Variants in PCDHA1 observed in about 807,000 individuals in gnomAD.
PCDHA1 encodes the protein protocadherin alpha 1.
PCDHA1 carries 42 observed loss-of-function variants against 61.3 expected under a neutral mutation model. The ratio of observed to expected loss-of-function variants is 0.69; its 90% confidence interval spans 0.54 to 0.89. The LOEUF is 0.89. Among genes scored for constraint, PCDHA1 ranks in the 40% least tolerant of loss-of-function variants. PCDHA1 has a pLI of 0.00. For missense variants in PCDHA1, 1,256 were observed against 1,235.3 expected (o/e 1.02, Z -0.25); for synonymous variants, 610 against 553.8 (o/e 1.10, Z -1.43).
At chr5:140,881,650 T>C (rs508730) in intron 1 of PCDHA1, among the ~76,000 whole-genome samples, 2,267 of 152,332 alleles carry the variant, frequency 0.015, 53 homozygotes, top group African/African-American at 0.052. Flanking sequence ...ATTTTTCACC[T>C]TCACCGATTT....
At chr5:140,984,987 G>C (rs1034950978) in intron 3 of PCDHA1, among the ~76,000 whole-genome samples, 7 of 152,028 alleles carry the variant, frequency 4.6e-5, no homozygotes, top group Admixed American at 2.0e-4. Flanking sequence ...CCCCAGGCTG[G>C]AGTCCAGTGG....
intron 1 of PCDHA1, chr5:140,967,771 G>A (rs1554229926): frequency 1.2e-6 from 2 of 1,614,222 alleles, no homozygotes; most frequent in Non-Finnish European, 1.7e-6. Context: ...AGATCTATGT[G>A]CAGGCGACTG....
rs781989346 is a variant in PCDHA1 at position 140,869,537 on chromosome 5, C to CT, written c.2394+80854dup. 1.6e-5 allele frequency: 26 copies of CT among 1,614,202 alleles called. 1 individual carries two copies. The highest frequency in any genetic ancestry group is 1.9e-5 in the Non-Finnish European group (23 of 1,180,050). ...GAACAAAAGCTGCTGATTGCGGAAT[C>CT]TAAGCAATCGGACTCGCGTTTTCCA... On this transcript the variant is annotated intron_variant, in intron 1 of 3. Coordinates refer to ENST00000504120, the MANE Select transcript of PCDHA1 (RefSeq NM_018900.4).
chr5:140,927,402 C>G, intron 1 of PCDHA1: 1 of 1,614,128 alleles, frequency 6.2e-7, no homozygotes, highest in Non-Finnish European at 8.5e-7. Context: ...AGCACTTTCG[C>G]CTGGACATGG....
At chr5:140,902,103 A>AT (rs1435105079) in intron 1 of PCDHA1, among the ~76,000 whole-genome samples, 1 of 151,172 alleles carries the variant, frequency 6.6e-6, no homozygotes, top group Non-Finnish European at 1.5e-5. Context: ...GAGTCTTTAG[A>AT]TTTTTTTAAA....
chr5:140,908,998 C>G (rs2074255436), intron 1 of PCDHA1, among the ~76,000 whole-genome samples: 1 of 152,156 alleles, frequency 6.6e-6, no homozygotes, highest in South Asian at 2.1e-4. Flanking sequence ...AGAAATTTTA[C>G]TGAGGTAGAA....
At chr5:140,857,467 C>T in intron 1 of PCDHA1, 3 of 1,598,642 alleles carry the variant, frequency 1.9e-6, no homozygotes, top group Non-Finnish European at 2.6e-6. Flanking sequence ...GCTGCCACAT[C>T]TTCACGGTGT....
chr5:140,841,443 A>C (rs2150315650), intron 1 of PCDHA1: 1 of 1,612,892 alleles, frequency 6.2e-7, no homozygotes, highest in Admixed American at 1.7e-5. Context: ...GAGGCCAAAC[A>C]CGGCACCTTC....
chr5:140,888,003 A>G (rs1187660261), intron 1 of PCDHA1, among the ~76,000 whole-genome samples: 1 of 152,112 alleles, frequency 6.6e-6, no homozygotes, highest in African/African-American at 2.4e-5. Context: ...CCGAATAGTC[A>G]TCTTTTTATC....
At chr5:140,823,193 T>A (rs2150123303) in intron 1 of PCDHA1, 20 of 1,613,836 alleles carry the variant, frequency 1.2e-5, no homozygotes, top group Non-Finnish European at 1.7e-5. Flanking sequence ...GGCTGCCACA[T>A]CTTCACGGTG....
At chr5:140,880,944 G>A (rs1256173059) in intron 1 of PCDHA1, among the ~76,000 whole-genome samples, 2 of 152,198 alleles carry the variant, frequency 1.3e-5, no homozygotes, top group African/African-American at 4.8e-5. Context: ...AATGGAGCAG[G>A]AGAGGATGAT....
At chr5:140,927,616 G>C in intron 1 of PCDHA1, 1 of 1,614,164 alleles carries the variant, frequency 6.2e-7, no homozygotes, top group Non-Finnish European at 8.5e-7. Flanking sequence ...CCGCACCAAG[G>C]TTCCAGAGAC....
At chr5:140,993,468 A>G (rs1327306188) in intron 3 of PCDHA1, among the ~76,000 whole-genome samples, 1 of 69,412 alleles carries the variant, frequency 1.4e-5, no homozygotes, top group African/African-American at 5.6e-5. Context: ...TTTCTCACAC[A>G]CACACACACA....
At chr5:140,902,914 G>A (rs560076660) in intron 1 of PCDHA1, among the ~76,000 whole-genome samples, 14 of 152,306 alleles carry the variant, frequency 9.2e-5, no homozygotes, top group African/African-American at 2.9e-4. Context: ...TGGCTGAGTA[G>A]TATTGCATGG....
chr5:140,853,203 G>A lies in PCDHA1; in HGVS notation c.2394+64519G>A. The A allele has an allele frequency of 3.1e-6, 3 of 982,590 alleles. 1 individual carries two copies. 60.9% of individuals were successfully genotyped at this position (982,590 alleles called of 1,614,324 possible). A position where few individuals can be genotyped will look rare whatever the true frequency, so the allele number is the denominator to read the frequency against. The stretch of plus-strand genomic sequence containing the variant: ...CTAAAATGTGTTCTTTATTATTGAC[G>A]GCTGTATTGATGGGATTGGTAATTT... On this transcript the variant is annotated intron_variant, in intron 1 of 3. Coordinates refer to ENST00000504120, the MANE Select transcript of PCDHA1 (RefSeq NM_018900.4).
In PCDHA1 at chr5:140,850,602, G is replaced by T. The variant is rs146973370; in HGVS notation, c.2394+61918G>T. ...GGATGTCAACGTGTACCTGATCATC[G>T]CCATCTGCGCGGTGTCTAGCCTGTT... On this transcript the variant is annotated intron_variant, in intron 1 of 3. Coordinates refer to ENST00000504120, the MANE Select transcript of PCDHA1 (RefSeq NM_018900.4). 1.5e-4 allele frequency: 240 copies of T among 1,598,420 alleles called. 25 individuals carry two copies. The highest frequency in any genetic ancestry group is 1.8e-4 in the Non-Finnish European group (209 of 1,167,886).
chr5:140,865,458 GA>G (rs1462092731), intron 1 of PCDHA1: 4 of 152,192 alleles, frequency 2.6e-5, no homozygotes, highest in African/African-American at 9.6e-5. Flanking sequence ...TGATTTCTAT[GA>G]AGATAAACAT....
chr5:140,876,481 C>G, intron 1 of PCDHA1: 1 of 1,613,996 alleles, frequency 6.2e-7, no homozygotes, highest in Non-Finnish European at 8.5e-7. Context: ...CAGCATGGTC[C>G]TGGTGGAAGT....
intron 1 of PCDHA1, chr5:140,850,438 T>C (rs1554144332): frequency 6.3e-7 from 1 of 1,597,768 alleles, no homozygotes; most frequent in Admixed American, 1.7e-5. Flanking sequence ...CAGCGCCTAC[T>C]GGTGCTGGTG....
Sources: gnomAD v4.1 joint callset for allele counts (sites outside exome capture counted in the v4.1 genomes callset) on GRCh38, gnomAD v4.1.1 for gene constraint, MANE v1.5 for transcripts, NCBI Gene and HGNC (gene_info 2026-07-23, HGNC 2026-07-21) for gene names.